PALM2AKAP2: variants seen among roughly 807,000 people sequenced by gnomAD.
PALM2AKAP2 encodes PALM2 and AKAP2 fusion, also known as PALM2-AKAP2 fusion protein.
Under a neutral mutation model 71.5 loss-of-function variants are expected in PALM2AKAP2, and 37 were observed. The observed-to-expected ratio is 0.52, with a 90% confidence interval of 0.40 to 0.68. PALM2AKAP2 has a LOEUF of 0.68. Ranked by LOEUF, PALM2AKAP2 falls within the 30% of genes least tolerant of loss-of-function variation. The pLI, the probability that PALM2AKAP2 is intolerant of heterozygous loss-of-function variation, is 0.00. For missense variants in PALM2AKAP2, 1,224 were observed against 1,191.8 expected, an observed-to-expected ratio of 1.03 and a Z score of -0.40; for synonymous variants, 468 against 478.8, an observed-to-expected ratio of 0.98 and a Z score of 0.29.
Position 110,119,341 on chromosome 9 carries a change from CAAAAAAAAA to C in PALM2AKAP2, c.157-16775_157-16767del, listed in dbSNP as rs200861093. On this transcript the variant is annotated intron_variant, in intron 1 of 3. Coordinates refer to ENST00000374525, the Ensembl canonical transcript of PALM2AKAP2. ...CTGGTGACAGAGCGAGACTCCATCT[CAAAAAAAAA>C]AAAAAAAAAAGAAAAGAAAAAGAAG... is the stretch of plus-strand genomic sequence containing the variant. Among the ~76,000 whole-genome samples, 5 of 88,940 alleles carry C rather than the reference CAAAAAAAAA, an allele frequency of 5.6e-5. No homozygotes were observed. The East Asian group carries it at 1.3e-3, about 24-fold the overall frequency. 58.3% of individuals were successfully genotyped at this position (88,940 alleles called of 152,430 possible).
intron 1 of PALM2AKAP2, among the ~76,000 whole-genome samples, chr9:109,837,474 C>G (rs1356036643): frequency 6.6e-6 from 1 of 152,122 alleles, no homozygotes; most frequent in Admixed American, 6.5e-5. Context: ...CATCAACTAA[C>G]GAGCAAAATA....
intron 1 of PALM2AKAP2, among the ~76,000 whole-genome samples, chr9:109,824,154 C>T (rs561898546): frequency 6.6e-6 from 1 of 152,240 alleles, no homozygotes; most frequent in Admixed American, 6.5e-5. Context: ...CTCCCAAAGC[C>T]CTAGGATTAC....
At chr9:109,786,734 T>C (rs1476670745) in intron 1 of PALM2AKAP2, among the ~76,000 whole-genome samples, 1 of 152,114 alleles carries the variant, frequency 6.6e-6, no homozygotes, top group South Asian at 2.1e-4. Flanking sequence ...CTTCAGCTTA[T>C]TGGGACAAAG....
At chr9:110,089,757 C>G (rs1834662943) in intron 1 of PALM2AKAP2, among the ~76,000 whole-genome samples, 1 of 152,182 alleles carries the variant, frequency 6.6e-6, no homozygotes, top group Admixed American at 6.5e-5. Flanking sequence ...TGTAAAGGTG[C>G]CTTTGTTTGA....
chr9:109,663,079 C>G (rs1827424689), intron 1 of PALM2AKAP2, among the ~76,000 whole-genome samples: 1 of 151,426 alleles, frequency 6.6e-6, no homozygotes, highest in African/African-American at 2.4e-5. Flanking sequence ...TTCTTCTCTC[C>G]TTTCTTCTTT....
In PALM2AKAP2 at chr9:110,015,537, C is replaced by T. The variant is rs572858446; in HGVS notation, c.497-417C>T. Among the ~76,000 whole-genome samples, 108 of 152,096 alleles carry T rather than the reference C, an allele frequency of 7.1e-4. 2 individuals are homozygous for T. Among genetic ancestry groups the T allele is most frequent in the Admixed American group, 2.8e-3 (43 of 15,268 alleles). On this transcript the variant is annotated intron_variant, in intron 6 of 9. Transcript: ENST00000302798. ...GCAGGAGAATTGCTGAGGCAGGAGGCGGAGGTTGCAGTGAGCCGAGATCAT... is the reference window on the plus strand; with the variant it reads ...GCAGGAGAATTGCTGAGGCAGGAGGTGGAGGTTGCAGTGAGCCGAGATCAT...
chr9:109,893,648 G>C (rs1253690814), intron 3 of PALM2AKAP2, among the ~76,000 whole-genome samples: 1 of 152,104 alleles, frequency 6.6e-6, no homozygotes, highest in Non-Finnish European at 1.5e-5. Context: ...GGGTTTCACC[G>C]TGTTGGCCAG....
At chr9:109,877,376 A>G (rs1309952458) in intron 2 of PALM2AKAP2, among the ~76,000 whole-genome samples, 1 of 152,116 alleles carries the variant, frequency 6.6e-6, no homozygotes, top group Non-Finnish European at 1.5e-5. Context: ...ATTCTAGGTG[A>G]CACAGTGAAT....
intron 1 of PALM2AKAP2, among the ~76,000 whole-genome samples, chr9:110,134,815 C>T (rs998233874): frequency 1.3e-5 from 2 of 152,032 alleles, no homozygotes; most frequent in African/African-American, 4.8e-5. Flanking sequence ...ATACCAGGCA[C>T]ATTATAAACT....
chr9:109,833,840 T>G (rs1828377962), intron 1 of PALM2AKAP2, among the ~76,000 whole-genome samples: 1 of 152,318 alleles, frequency 6.6e-6, no homozygotes, highest in Admixed American at 6.5e-5. Flanking sequence ...TCTGTCCGGT[T>G]TAGGTCTTTC....
intron 1 of PALM2AKAP2, among the ~76,000 whole-genome samples, chr9:109,843,426 TTA>T (rs1341291552): frequency 6.6e-6 from 1 of 152,080 alleles, no homozygotes; most frequent in Non-Finnish European, 1.5e-5. Flanking sequence ...TTATTACAAA[TTA>T]TGTGTTTTAA....
At chr9:109,758,323 A>G (rs78887014) in intron 1 of PALM2AKAP2, among the ~76,000 whole-genome samples, 1 of 152,218 alleles carries the variant, frequency 6.6e-6, no homozygotes, top group Non-Finnish European at 1.5e-5. Flanking sequence ...TGTTGTTCTC[A>G]TATCATTTTG....
At chr9:109,653,136 G>A (rs143261136) in intron 1 of PALM2AKAP2, among the ~76,000 whole-genome samples, 2,104 of 152,244 alleles carry the variant, frequency 0.014, 59 homozygotes, top group African/African-American at 0.048. Context: ...TGCTGCCTCC[G>A]TGATCATGGG....
intron 1 of PALM2AKAP2, among the ~76,000 whole-genome samples, chr9:109,682,184 A>T (rs771166600): frequency 6.6e-6 from 1 of 152,220 alleles, no homozygotes; most frequent in Non-Finnish European, 1.5e-5. Flanking sequence ...AAGTGCATGG[A>T]TTGATAATGA....
intron 7 of PALM2AKAP2, among the ~76,000 whole-genome samples, chr9:110,035,887 TTG>T (rs1474940636): frequency 1.3e-5 from 2 of 149,872 alleles, no homozygotes; most frequent in African/African-American, 2.4e-5. Context: ...ATATGATATG[TTG>T]TGTGTTATAT....
intron 6 of PALM2AKAP2, among the ~76,000 whole-genome samples, chr9:109,963,625 C>T (rs1831890395): frequency 6.6e-6 from 1 of 152,170 alleles, no homozygotes; most frequent in African/African-American, 2.4e-5. Context: ...TAGGGCCTTG[C>T]TCTAGTCACA....
At chr9:109,661,709 T>A (rs982147165) in intron 1 of PALM2AKAP2, among the ~76,000 whole-genome samples, 3 of 152,218 alleles carry the variant, frequency 2.0e-5, no homozygotes, top group Non-Finnish European at 2.9e-5. Context: ...AGAAAGTCAT[T>A]GGTAGCTTGA....
At chr9:109,959,969 C>G (rs1831823239) in intron 6 of PALM2AKAP2, among the ~76,000 whole-genome samples, 1 of 152,198 alleles carries the variant, frequency 6.6e-6, no homozygotes, top group African/African-American at 2.4e-5. Context: ...GCTTTGTTCT[C>G]TTTCTCCAGA....
At position 110,035,767 on chromosome 9, in the gene PALM2AKAP2, A is replaced by G. The variant is rs260198; in HGVS notation, c.582+19728A>G. Among the ~76,000 whole-genome samples the G allele has an allele frequency of 6.0e-3, 606 of 101,690 alleles. 49 individuals carry two copies. The highest frequency in any genetic ancestry group is 7.6e-3 in the Non-Finnish European group (358 of 46,984). The allele number at this position is 101,690 out of a possible 152,430, so 66.7% of individuals were successfully genotyped here. ...ATATAACATATATAGGATATGTTGT[A>G]TGTTATATGTAACATATATAGGATA... On this transcript the variant is annotated intron_variant, in intron 7 of 9. Transcript: ENST00000302798.
Sources: allele counts gnomAD v4.1 joint callset (sites outside exome capture counted in the v4.1 genomes callset), GRCh38; gene constraint gnomAD v4.1.1; transcripts MANE v1.5; gene names NCBI Gene and HGNC (gene_info 2026-07-23, HGNC 2026-07-21).